The following DNAAF11 variants were observed in gnomAD, a reference collection of about 807,000 sequenced individuals.
DNAAF11 encodes dynein axonemal assembly factor 11.
Under a neutral mutation model 60.8 loss-of-function variants are expected in DNAAF11, and 45 were observed. That is an observed-to-expected ratio of 0.74 (90% confidence interval 0.58 to 0.95). DNAAF11 has a LOEUF of 0.95. DNAAF11 is among the 40% of genes least tolerant of loss of function. The probability of loss-of-function intolerance (pLI) is 0.00; values close to 1 mark genes in which losing one functional copy is unlikely to be tolerated. For missense variants in DNAAF11, 546 were observed against 546.2 expected, an observed-to-expected ratio of 1.00 and a Z score of 0.00; for synonymous variants, 191 against 183.5, an observed-to-expected ratio of 1.04 and a Z score of -0.33.
At chr8:132,621,743 C>T (rs758878192) in intron 7 of DNAAF11, among the ~76,000 whole-genome samples, 1 of 152,136 alleles carries the variant, frequency 6.6e-6, no homozygotes, top group African/African-American at 2.4e-5. Flanking sequence ...TAAAGTTTAT[C>T]ATGGAAGTCA....
intron 7 of DNAAF11, among the ~76,000 whole-genome samples, chr8:132,620,384 G>A (rs1819630644): frequency 6.6e-6 from 1 of 152,174 alleles, no homozygotes; most frequent in African/African-American, 2.4e-5. Flanking sequence ...GCCCAGGCAG[G>A]AGTGCAGTGG....
intron 3 of DNAAF11, among the ~76,000 whole-genome samples, chr8:132,642,945 C>T (rs181743765): frequency 3.3e-5 from 5 of 152,316 alleles, no homozygotes; most frequent in Admixed American, 6.5e-5. Context: ...CATTTTTCCA[C>T]GGACGGTGGG....
the DNAAF11 span, chr8:132,687,649 G>T: frequency 4.4e-6 from 2 of 456,088 alleles, no homozygotes; most frequent in African/African-American, 4.0e-5. Flanking sequence ...GGTTGGCATT[G>T]TTGTTTCTGT....
At chr8:132,606,677 A>T (rs1036506054) in intron 10 of DNAAF11, among the ~76,000 whole-genome samples, 1 of 109,742 alleles carries the variant, frequency 9.1e-6, no homozygotes, top group South Asian at 2.6e-4. Context: ...GGCTAATTTT[A>T]ATTTTAATTT....
chr8:132,574,683 T>C (rs1158868917), intron 11 of DNAAF11, among the ~76,000 whole-genome samples: 1 of 152,226 alleles, frequency 6.6e-6, no homozygotes, highest in Non-Finnish European at 1.5e-5. Flanking sequence ...CTGAGTCCTG[T>C]GAGTTCCTCT....
chr8:132,696,351 C>T, the DNAAF11 span, among the ~76,000 whole-genome samples: 1 of 152,210 alleles, frequency 6.6e-6, no homozygotes, highest in African/African-American at 2.4e-5. Flanking sequence ...GCTGAGAATA[C>T]ATAATAGTAC....
intron 9 of DNAAF11, among the ~76,000 whole-genome samples, 174 bp from the exon 10 acceptor site, chr8:132,610,435 T>A (rs1235192429): frequency 6.6e-6 from 1 of 152,202 alleles, no homozygotes; most frequent in Non-Finnish European, 1.5e-5. Flanking sequence ...CTATTTTACC[T>A]ATTTTAACAA....
chr8:132,583,809 G>A, intron 10 of DNAAF11, 30 bp from the exon 11 acceptor site: 2 of 1,399,370 alleles, frequency 1.4e-6, no homozygotes, highest in Non-Finnish European at 2.0e-6. Context: ...CACACCAAGT[G>A]GTGCATTACT....
At chr8:132,693,985 C>G in the DNAAF11 span, among the ~76,000 whole-genome samples, 1 of 152,132 alleles carries the variant, frequency 6.6e-6, no homozygotes, top group Non-Finnish European at 1.5e-5. Context: ...GAATGTTATA[C>G]TCTGATTTTT....
At chr8:132,692,503 T>C in the DNAAF11 span, among the ~76,000 whole-genome samples, 2 of 152,160 alleles carry the variant, frequency 1.3e-5, no homozygotes, top group African/African-American at 4.8e-5. Context: ...AGCTCTTAAA[T>C]TGTTAGCACT....
At chr8:132,595,822 AAG>A (rs1816957653) in intron 10 of DNAAF11, among the ~76,000 whole-genome samples, 1 of 152,234 alleles carries the variant, frequency 6.6e-6, no homozygotes, top group Admixed American at 6.5e-5. Flanking sequence ...GAAAGTATCA[AAG>A]AGGGGAAAGA....
At chr8:132,658,424 A>T (rs201149575) in intron 2 of DNAAF11, among the ~76,000 whole-genome samples, 2 of 151,928 alleles carry the variant, frequency 1.3e-5, no homozygotes, top group Non-Finnish European at 2.9e-5. Flanking sequence ...CCGGGTTCAC[A>T]CCATTCTCCT....
intron 3 of DNAAF11, among the ~76,000 whole-genome samples, chr8:132,642,362 T>C (rs551965006): frequency 2.6e-5 from 4 of 152,378 alleles, no homozygotes; most frequent in Admixed American, 2.0e-4. Flanking sequence ...GAGATGCCCA[T>C]CATGTGCACT....
At chr8:132,573,948 A>T (rs774134039) in intron 11 of DNAAF11, among the ~76,000 whole-genome samples, 11 of 152,194 alleles carry the variant, frequency 7.2e-5, no homozygotes, top group South Asian at 6.2e-4. Flanking sequence ...GAAGAAATGG[A>T]AAAGGGGCTT....
intron 6 of DNAAF11, among the ~76,000 whole-genome samples, chr8:132,624,794 A>C (rs1478961310): frequency 6.6e-6 from 1 of 152,186 alleles, no homozygotes; most frequent in Non-Finnish European, 1.5e-5. Flanking sequence ...CAAATCATCA[A>C]ATTATATGTA....
chr8:132,601,547 G>T (rs1248767913), intron 10 of DNAAF11, among the ~76,000 whole-genome samples: 1 of 152,080 alleles, frequency 6.6e-6, no homozygotes, highest in East Asian at 1.9e-4. Flanking sequence ...TGATAGACTG[G>T]ATTAAGAAAA....
chr8:132,651,883 T>C (rs1265412755), intron 3 of DNAAF11, among the ~76,000 whole-genome samples: 2 of 152,230 alleles, frequency 1.3e-5, no homozygotes, highest in South Asian at 2.1e-4. Flanking sequence ...TGACTCCATT[T>C]CTAATGCAGA....
the DNAAF11 span, among the ~76,000 whole-genome samples, chr8:132,681,318 C>CT: frequency 0.043 from 5,593 of 129,028 alleles, 376 homozygotes; most frequent in African/African-American, 0.14. Context: ...CCAACCATTC[C>CT]TTTTTTTTTT....
At chr8:132,621,163 C>A (rs10094388) in intron 7 of DNAAF11, among the ~76,000 whole-genome samples, 22 of 152,034 alleles carry the variant, frequency 1.4e-4, no homozygotes, top group African/African-American at 5.1e-4. Context: ...CTGAAAGTGG[C>A]GATGGGCTGT....
Sources: allele counts gnomAD v4.1 joint callset (sites outside exome capture counted in the v4.1 genomes callset), GRCh38; gene constraint gnomAD v4.1.1; transcripts MANE v1.5; gene names NCBI Gene and HGNC (gene_info 2026-07-23, HGNC 2026-07-21).